Variants in ZFHX3 observed in about 807,000 individuals in gnomAD.
ZFHX3 encodes zinc finger homeobox protein 3.
ZFHX3 carries 42 observed loss-of-function variants against 279.1 expected under a neutral mutation model. The observed-to-expected ratio is 0.15, with a 90% confidence interval of 0.12 to 0.19. ZFHX3 has a LOEUF of 0.19. ZFHX3 is among the 10% of genes least tolerant of loss of function. ZFHX3 has a pLI of 1.00. For missense variants in ZFHX3, 4,981 were observed against 4,754.0 expected (o/e 1.05, Z -1.40); for synonymous variants, 2,293 against 1,957.8 (o/e 1.17, Z -4.52).
At chr16:73,276,541 T>C (rs899479892) in intron 4 of ZFHX3, among the ~76,000 whole-genome samples, 1 of 152,206 alleles carries the variant, frequency 6.6e-6, no homozygotes, top group Non-Finnish European at 1.5e-5. Flanking sequence ...TTACATAATA[T>C]TGAAAACAAT....
intron 1 of ZFHX3, among the ~76,000 whole-genome samples, chr16:73,749,729 A>G (rs1184331744): frequency 6.6e-6 from 1 of 152,184 alleles, no homozygotes; most frequent in Non-Finnish European, 1.5e-5. Context: ...ACAAACTGCA[A>G]TGTTTGACTT....
intron 1 of ZFHX3, among the ~76,000 whole-genome samples, chr16:73,037,519 C>G (rs904906480): frequency 2.0e-5 from 3 of 152,178 alleles, no homozygotes; most frequent in Non-Finnish European, 4.4e-5. Context: ...CAGGAAAAAG[C>G]TGACCTCAGA....
At position 73,881,492 on chromosome 16, in the gene ZFHX3, C is replaced by CA. The variant is rs1555506583; in HGVS notation, c.-1608+10158dup. ...TCTCTCTCTCTCTGCCCCCCCCCCC[C>CA]ACTCTGCCCATGGTTACTGCTACTC... On this transcript the variant is annotated intron_variant, in intron 1 of 17. Coordinates refer to the ZFHX3 transcript ENST00000641206. Among the ~76,000 whole-genome samples, 11 of 93,678 alleles carry CA rather than the reference C, an allele frequency of 1.2e-4. 1 individual carries two copies. The highest frequency in any genetic ancestry group is 8.1e-4 in the South Asian group (2 of 2,464). The allele number at this position is 93,678 out of a possible 152,430, so 61.5% of individuals were successfully genotyped here. A position where few individuals can be genotyped will look rare whatever the true frequency, so the allele number is the denominator to read the frequency against.
At chr16:73,024,261 G>A (rs548322761) in intron 1 of ZFHX3, among the ~76,000 whole-genome samples, 2 of 152,088 alleles carry the variant, frequency 1.3e-5, no homozygotes, top group Non-Finnish European at 2.9e-5. Context: ...GAAGGGAGGG[G>A]CGAAAGAAGA....
intron 8 of ZFHX3, among the ~76,000 whole-genome samples, chr16:73,066,110 C>T (rs1253414772): frequency 1.3e-5 from 2 of 152,202 alleles, no homozygotes; most frequent in African/African-American, 4.8e-5. Flanking sequence ...GTCAAGGCTG[C>T]GGGCAGGGCA....
chr16:73,196,238 A>G (rs899918217), intron 5 of ZFHX3, among the ~76,000 whole-genome samples: 1 of 150,220 alleles, frequency 6.7e-6, no homozygotes, highest in Non-Finnish European at 1.5e-5. Flanking sequence ...AATTAATCCC[A>G]AGCTTCAGAA....
chr16:73,069,089 G>A (rs959463899), intron 8 of ZFHX3, among the ~76,000 whole-genome samples: 2 of 152,234 alleles, frequency 1.3e-5, no homozygotes, highest in Non-Finnish European at 2.9e-5. Flanking sequence ...GTATGAGTGT[G>A]TGTAACTGGG....
chr16:73,749,656 T>C (rs72803141), intron 1 of ZFHX3, among the ~76,000 whole-genome samples: 2,406 of 152,266 alleles, frequency 0.016, 30 homozygotes, highest in Non-Finnish European at 0.027. Flanking sequence ...CGTATAACTG[T>C]GTTGGAGTGT....
chr16:73,756,250 A>G (rs998794239), intron 1 of ZFHX3, among the ~76,000 whole-genome samples: 1 of 152,142 alleles, frequency 6.6e-6, no homozygotes, highest in African/African-American at 2.4e-5. Context: ...AAAGAATAAG[A>G]AGCTTTTGAG....
chr16:73,275,063 T>A (rs2014255663), intron 4 of ZFHX3, among the ~76,000 whole-genome samples: 1 of 152,324 alleles, frequency 6.6e-6, no homozygotes, highest in South Asian at 2.1e-4. Flanking sequence ...ATTTCCCACC[T>A]TTTATGAAGC....
chr16:73,752,235 C>T (rs1444032656), intron 1 of ZFHX3, among the ~76,000 whole-genome samples: 2 of 152,110 alleles, frequency 1.3e-5, no homozygotes, highest in African/African-American at 4.8e-5. Flanking sequence ...TCTCTGTGGT[C>T]TATAACGACC....
chr16:73,883,632 G>A (rs2030250690), intron 1 of ZFHX3, among the ~76,000 whole-genome samples: 1 of 151,876 alleles, frequency 6.6e-6, no homozygotes, highest in South Asian at 2.1e-4. Flanking sequence ...AAAATCACCT[G>A]AAAACAAACA....
intron 3 of ZFHX3, among the ~76,000 whole-genome samples, chr16:72,931,865 T>C (rs887050458): frequency 8.5e-5 from 13 of 152,208 alleles, no homozygotes; most frequent in African/African-American, 3.1e-4. Flanking sequence ...CTCACTTGCG[T>C]CCAGAAGCTG....
At chr16:73,636,982 G>A (rs2052532565) in intron 2 of ZFHX3, among the ~76,000 whole-genome samples, 1 of 151,848 alleles carries the variant, frequency 6.6e-6, no homozygotes, top group African/African-American at 2.4e-5. Context: ...ATATAATAAG[G>A]AAGGATTATC....
intron 2 of ZFHX3, among the ~76,000 whole-genome samples, chr16:73,676,910 A>C (rs1425146739): frequency 2.6e-5 from 4 of 152,016 alleles, no homozygotes; most frequent in Non-Finnish European, 2.9e-5. Context: ...ACAAATATGC[A>C]ATATTCATGT....
chr16:73,801,984 A>G lies in ZFHX3; in HGVS notation c.-1608+89667T>C, dbSNP rs576594551. Reference sequence around the variant, plus strand: ...CAAATTTGGATCTCTCCTCGCCGTTAGAGGAACAGCCCACCTGAAAGCATG... The same window carrying G: ...CAAATTTGGATCTCTCCTCGCCGTTGGAGGAACAGCCCACCTGAAAGCATG... On this transcript the variant is annotated intron_variant, in intron 1 of 17. Transcript: ENST00000641206. 1.3e-4 allele frequency among the ~76,000 whole-genome samples: 20 copies of G among 152,278 alleles called. No homozygotes were observed. The South Asian group carries it at 1.5e-3, about 11-fold the overall frequency.
chr16:73,275,351 GGTT>G (rs2014266338), intron 4 of ZFHX3, among the ~76,000 whole-genome samples: 1 of 152,126 alleles, frequency 6.6e-6, no homozygotes, highest in African/African-American at 2.4e-5. Flanking sequence ...TTCCCTCTTA[GGTT>G]TTCAAAAGGA....
intron 8 of ZFHX3, among the ~76,000 whole-genome samples, chr16:72,799,478 T>G (rs928405982): frequency 2.0e-5 from 3 of 152,174 alleles, no homozygotes; most frequent in Non-Finnish European, 4.4e-5. Context: ...TCTTCCCACC[T>G]TAGAGGTGAA....
chr16:73,670,498 C>T (rs1394381120), intron 2 of ZFHX3, among the ~76,000 whole-genome samples: 1 of 152,180 alleles, frequency 6.6e-6, no homozygotes, highest in Non-Finnish European at 1.5e-5. Flanking sequence ...CAATCGACTA[C>T]TTTAAGCTTA....
Sources: allele counts gnomAD v4.1 joint callset (sites outside exome capture counted in the v4.1 genomes callset), GRCh38; gene constraint gnomAD v4.1.1; transcripts MANE v1.5; gene names NCBI Gene and HGNC (gene_info 2026-07-23, HGNC 2026-07-21).